SEMA3E: variants seen among roughly 807,000 people sequenced by gnomAD.
The protein encoded by SEMA3E is semaphorin-3E.
Under a neutral mutation model 93.6 loss-of-function variants are expected in SEMA3E, and 49 were observed. The observed-to-expected ratio is 0.52, with a 90% confidence interval of 0.42 to 0.66. The LOEUF (loss-of-function observed/expected upper bound fraction) is 0.66. Among genes scored for constraint, SEMA3E ranks in the 30% least tolerant of loss-of-function variants. The pLI is 0.00. For missense variants in SEMA3E, 906 were observed against 964.8 expected (o/e 0.94, Z 0.81); for synonymous variants, 363 against 330.7 (o/e 1.10, Z -1.06).
intron 4 of SEMA3E, among the ~76,000 whole-genome samples, chr7:83,419,860 C>A (rs985447434): frequency 3.3e-5 from 5 of 152,066 alleles, no homozygotes; most frequent in Admixed American, 6.5e-5. Flanking sequence ...TCACAAACAT[C>A]ATACTAAATG....
At chr7:83,628,851 G>C (rs1379882188) in intron 1 of SEMA3E, among the ~76,000 whole-genome samples, 1 of 151,988 alleles carries the variant, frequency 6.6e-6, no homozygotes, top group Non-Finnish European at 1.5e-5. Flanking sequence ...TGATCCTTTG[G>C]AGGAGAAGGG....
At chr7:83,593,313 TGTGTGTGTGTGTGTGTGTG>T (rs1792798421) in intron 1 of SEMA3E, among the ~76,000 whole-genome samples, 2 of 130,108 alleles carry the variant, frequency 1.5e-5, no homozygotes, top group African/African-American at 6.9e-5. Flanking sequence ...TGTGTGTGTG[TGTGTGTGTGTGTGTGTGTG>T]TGTTGGGGAG....
At chr7:83,378,857 A>G (rs943623321) in intron 16 of SEMA3E, among the ~76,000 whole-genome samples, 6 of 151,858 alleles carry the variant, frequency 4.0e-5, no homozygotes, top group African/African-American at 1.4e-4. Flanking sequence ...AAAGAACTAA[A>G]AATAGGATTA....
At chr7:83,373,405 C>T (rs548881315) in intron 16 of SEMA3E, among the ~76,000 whole-genome samples, 5 of 152,168 alleles carry the variant, frequency 3.3e-5, no homozygotes, top group African/African-American at 1.2e-4. Context: ...TACACACATA[C>T]ATATGTATAT....
intron 14 of SEMA3E, among the ~76,000 whole-genome samples, chr7:83,392,319 A>G (rs1053271431): frequency 1.3e-5 from 2 of 152,090 alleles, no homozygotes; most frequent in African/African-American, 2.4e-5. Flanking sequence ...TGTCGTTTCC[A>G]CATTTTAACT....
At chr7:83,387,839 G>GTT (rs1562756817) in intron 14 of SEMA3E, among the ~76,000 whole-genome samples, 1 of 139,932 alleles carries the variant, frequency 7.1e-6, no homozygotes, top group South Asian at 2.2e-4. Flanking sequence ...TATATATAAC[G>GTT]TTATATATAT....
chr7:83,469,186 G>T (rs1789838270), intron 3 of SEMA3E, 57 bp downstream of exon 3: 12 of 1,367,192 alleles, frequency 8.8e-6, no homozygotes, highest in Non-Finnish European at 1.3e-5. Context: ...TCAGTTCTTT[G>T]TGGTTAACTA....
At chr7:83,556,054 C>T (rs1266687916) in intron 1 of SEMA3E, among the ~76,000 whole-genome samples, 1 of 152,058 alleles carries the variant, frequency 6.6e-6, no homozygotes, top group Non-Finnish European at 1.5e-5. Flanking sequence ...TGTTCTCTTT[C>T]CAGTATAACA....
intron 4 of SEMA3E, among the ~76,000 whole-genome samples, chr7:83,429,737 C>A (rs1436064824): frequency 2.6e-5 from 4 of 151,104 alleles, no homozygotes; most frequent in Non-Finnish European, 4.4e-5. Context: ...CACTCCTGCA[C>A]AAGTGACTTT....
intron 1 of SEMA3E, among the ~76,000 whole-genome samples, chr7:83,623,351 T>C (rs1323356759): frequency 6.6e-6 from 1 of 152,112 alleles, no homozygotes; most frequent in Non-Finnish European, 1.5e-5. Context: ...ATATCTCTAA[T>C]CCGAGGCATA....
At chr7:83,608,916 C>T (rs1793187236) in intron 1 of SEMA3E, among the ~76,000 whole-genome samples, 1 of 152,146 alleles carries the variant, frequency 6.6e-6, no homozygotes, top group Non-Finnish European at 1.5e-5. Context: ...TAACTTGCAG[C>T]ATAGAATTTC....
chr7:83,394,338 C>T lies in SEMA3E; in HGVS notation c.1459G>A (p.Asp487Asn), dbSNP rs1788078056. 6.2e-7 allele frequency: 1 copy of T among 1,612,444 alleles called. No individual in the cohort carries two copies. The highest frequency in any genetic ancestry group is 1.7e-5 in the Admixed American group (1 of 59,900). ...TCCATAGAAATAATAGGAACTGGAT[C>T]CTGAAATTTTAAAAAAGTTTTCATT... ...VILEELQIFK[D>N]PVPIISMEIS... The change falls in exon 13 of 17, where the codon GAT becomes AAT. Residue 487 changes from aspartate (D) to asparagine (N), a missense_variant and splice_region_variant. Coordinates refer to ENST00000643230, the MANE Select transcript of SEMA3E (RefSeq NM_012431.3).
chr7:83,446,697 T>C (rs907482067), intron 4 of SEMA3E, among the ~76,000 whole-genome samples: 11 of 152,186 alleles, frequency 7.2e-5, no homozygotes, highest in Non-Finnish European at 1.6e-4. Flanking sequence ...ATATAGTATG[T>C]AATTTGGGAA....
At chr7:83,388,991 C>T (rs1787940018) in intron 14 of SEMA3E, among the ~76,000 whole-genome samples, 1 of 151,420 alleles carries the variant, frequency 6.6e-6, no homozygotes, top group Admixed American at 6.6e-5. Flanking sequence ...GACCTGTGTA[C>T]AAAAGTATGT....
chr7:83,576,110 T>C (rs980421812), intron 1 of SEMA3E, among the ~76,000 whole-genome samples: 7 of 152,230 alleles, frequency 4.6e-5, no homozygotes, highest in African/African-American at 1.7e-4. Context: ...AAAAGTTATT[T>C]TAATTGTAAG....
chr7:83,440,964 A>C (rs1165118228), intron 4 of SEMA3E, among the ~76,000 whole-genome samples: 2 of 152,228 alleles, frequency 1.3e-5, no homozygotes, highest in East Asian at 3.8e-4. Context: ...TAGCTATCTG[A>C]GATATACCAT....
chr7:83,415,667 C>T (rs1012650051), intron 5 of SEMA3E, among the ~76,000 whole-genome samples: 2 of 151,934 alleles, frequency 1.3e-5, no homozygotes, highest in African/African-American at 4.8e-5. Flanking sequence ...TTTAAGTTAA[C>T]TGAATTAAAA....
intron 1 of SEMA3E, among the ~76,000 whole-genome samples, chr7:83,577,797 A>G (rs964138440): frequency 1.1e-4 from 16 of 152,100 alleles, no homozygotes; most frequent in Non-Finnish European, 2.9e-5. Flanking sequence ...TCATAGGAAT[A>G]TTTCTCAATT....
intron 1 of SEMA3E, among the ~76,000 whole-genome samples, chr7:83,641,639 CT>C: frequency 6.6e-6 from 1 of 152,250 alleles, no homozygotes; most frequent in Non-Finnish European, 1.5e-5. Flanking sequence ...CATCAATATT[CT>C]TTGCTCCTTC....
Sources: gnomAD v4.1 joint callset for allele counts (sites outside exome capture counted in the v4.1 genomes callset) on GRCh38, gnomAD v4.1.1 for gene constraint, MANE v1.5 for transcripts, NCBI Gene and HGNC (gene_info 2026-07-23, HGNC 2026-07-21) for gene names.